Variants in ITGAV observed in about 807,000 individuals in gnomAD.
ITGAV encodes integrin subunit alpha V.
Under a neutral mutation model 143.8 loss-of-function variants are expected in ITGAV, and 76 were observed. The observed-to-expected ratio is 0.53, with a 90% confidence interval of 0.44 to 0.64. The LOEUF is 0.64. Among genes scored for constraint, ITGAV ranks in the 30% least tolerant of loss-of-function variants. ITGAV has a pLI of 0.00. For synonymous variants in ITGAV, 453 were observed against 446.7 expected (o/e 1.01, Z -0.18); for missense variants, 1,193 against 1,274.7 (o/e 0.94, Z 0.98).
At chr2:186,601,262 C>G (rs1686895296) in intron 1 of ITGAV, among the ~76,000 whole-genome samples, 1 of 151,388 alleles carries the variant, frequency 6.6e-6, no homozygotes, top group African/African-American at 2.4e-5. Flanking sequence ...AAAAATTAAG[C>G]CTAGGCAATG....
At chr2:186,657,637 A>T (rs538729194) in intron 17 of ITGAV, among the ~76,000 whole-genome samples, 9 of 152,236 alleles carry the variant, frequency 5.9e-5, no homozygotes, top group African/African-American at 2.2e-4. Context: ...AAGTTAAGAA[A>T]AAATGAAGGT....
intron 2 of ITGAV, among the ~76,000 whole-genome samples, chr2:186,619,917 G>A (rs1374371887): frequency 6.6e-6 from 1 of 152,056 alleles, no homozygotes; most frequent in Non-Finnish European, 1.5e-5. Context: ...GCTTGAACTC[G>A]GGAGGTGGAG....
rs188946418 is a variant in ITGAV, at chr2:186,667,542, T to C, written c.2328-129T>C. 216 of 528,104 alleles carry C rather than the reference T, an allele frequency of 4.1e-4. 2 individuals carry two copies. Among genetic ancestry groups the C allele is most frequent in the African/African-American group, 3.8e-3 (204 of 53,068 alleles). The allele number at this position is 528,104 out of a possible 1,614,324, so 32.7% of individuals were successfully genotyped here. A position where few individuals can be genotyped will look rare whatever the true frequency, so the allele number is the denominator to read the frequency against. ...TGTGCATGTGTGTGTTCATTAGTTT[T>C]CTTTTAAAGTATTTTTTAAAATTAA... On this transcript the variant is annotated intron_variant, in intron 23 of 29. Transcript: ENST00000261023.
Position 186,666,639 on chromosome 2 carries a change from A to G in ITGAV, c.2167-65A>G, listed in dbSNP as rs537199604. The G allele has an allele frequency of 1.7e-4, 138 of 823,750 alleles. No homozygotes were observed. The African/African-American group carries it at 2.3e-3, about 13-fold the overall frequency. The allele number at this position is 823,750 out of a possible 1,614,324, so 51.0% of individuals were successfully genotyped here. On this transcript the variant is annotated intron_variant, in intron 21 of 29. Coordinates refer to ENST00000261023, the MANE Select transcript of ITGAV (RefSeq NM_002210.5). The stretch of plus-strand genomic sequence containing the variant: ...TTAGAACATTATTTTTTATTTAGAC[A>G]TTGGATTTGAAATTTTGCTAATTAG...
intron 2 of ITGAV, among the ~76,000 whole-genome samples, chr2:186,621,418 A>G (rs1687517068): frequency 6.6e-6 from 1 of 152,174 alleles, no homozygotes; most frequent in South Asian, 2.1e-4. Context: ...ATTATGAAGA[A>G]TATTAACAGT....
In ITGAV at chr2:186,649,869, C is replaced by CTAG; in HGVS notation, c.1381_1382insTAG (p.Arg461delinsLeuGly). 6.4e-7 allele frequency: 1 copy of CTAG among 1,568,628 alleles called. No individual in the cohort carries two copies. The highest frequency in any genetic ancestry group is 2.3e-5 in the East Asian group (1 of 43,400). ...AATTGTAGGAGCTTTTGGTGTAGAT[C>CTAG]GAGCTATCTTATACAGGTGAGCATT... is the stretch of plus-strand genomic sequence containing the variant. On this transcript the variant is annotated protein_altering_variant, in exon 14 of 30. Transcript: ENST00000261023.
intron 29 of ITGAV, 118 bp from the exon 30 acceptor site, chr2:186,677,079 A>G: frequency 8.1e-7 from 1 of 1,230,812 alleles, no homozygotes; most frequent in Non-Finnish European, 1.2e-6. Context: ...TATATGAGGG[A>G]AGATAAATTT....
At chr2:186,608,311 A>C (rs1687123029) in intron 2 of ITGAV, among the ~76,000 whole-genome samples, 1 of 152,204 alleles carries the variant, frequency 6.6e-6, no homozygotes, top group African/African-American at 2.4e-5. Context: ...ATGTTGCATC[A>C]ACATTTGAAG....
At chr2:186,590,825 G>A (rs1046039273) in intron 1 of ITGAV, among the ~76,000 whole-genome samples, 8 of 152,164 alleles carry the variant, frequency 5.3e-5, no homozygotes, top group Non-Finnish European at 8.8e-5. Context: ...ACAAAGGCTG[G>A]TCTTGCCGGA....
At chr2:186,600,352 C>T (rs1457780110) in intron 1 of ITGAV, 4 of 1,536,912 alleles carry the variant, frequency 2.6e-6, no homozygotes, top group Middle Eastern at 1.7e-4. Flanking sequence ...TAGGCACCCT[C>T]CTTCTGATCC....
chr2:186,593,396 C>T (rs1686666466), intron 1 of ITGAV, among the ~76,000 whole-genome samples: 1 of 151,742 alleles, frequency 6.6e-6, no homozygotes, highest in African/African-American at 2.4e-5. Flanking sequence ...AGAAATGAGT[C>T]AGGTTCGAAG....
chr2:186,659,034 C>A lies in ITGAV; in HGVS notation c.1720-4C>A, dbSNP rs1231423837. The stretch of plus-strand genomic sequence containing the variant: ...TCATTAATTCAAAGCGTTTCCATTT[C>A]TAGGATGAATCTGAATTTAGAGACA... On this transcript the variant is annotated splice_polypyrimidine_tract_variant and splice_region_variant and intron_variant, in intron 17 of 29. Coordinates refer to ENST00000261023, the MANE Select transcript of ITGAV (RefSeq NM_002210.5). 6.2e-7 allele frequency: 1 copy of A among 1,605,384 alleles called. No individual in the cohort carries two copies. Among genetic ancestry groups the A allele is most frequent in the Non-Finnish European group, 8.5e-7 (1 of 1,174,718 alleles).
chr2:186,668,729 A>G (rs1688982938), intron 24 of ITGAV, 33 bp from the exon 25 acceptor site: 1 of 1,598,734 alleles, frequency 6.3e-7, no homozygotes, highest in Non-Finnish European at 8.5e-7. Flanking sequence ...ATTTTTGCCC[A>G]AGGTGTAGAT....
intron 18 of ITGAV, among the ~76,000 whole-genome samples, chr2:186,662,305 G>C (rs116241314): frequency 6.6e-6 from 1 of 151,950 alleles, no homozygotes; most frequent in African/African-American, 2.4e-5. Context: ...TTTTAAAAAG[G>C]CTTATAGCAA....
In ITGAV at chr2:186,668,344, G is replaced by C. The variant is rs539460170; in HGVS notation, c.2434-418G>C. On this transcript the variant is annotated intron_variant, in intron 24 of 29. Coordinates refer to ENST00000261023, the MANE Select transcript of ITGAV (RefSeq NM_002210.5). ...GGGTTCAAGCGATTCTCCTGCCTCA[G>C]CTTGCTGAGTAGCTGGGATTACACG... is the stretch of plus-strand genomic sequence containing the variant. Among the ~76,000 whole-genome samples, 13 of 145,784 alleles carry C rather than the reference G, an allele frequency of 8.9e-5. No individual in the cohort carries two copies. In the South Asian group the frequency reaches 2.9e-3, roughly 33 times the overall value.
chr2:186,623,699 A>G (rs949671378), intron 3 of ITGAV, among the ~76,000 whole-genome samples: 1 of 152,202 alleles, frequency 6.6e-6, no homozygotes, highest in African/African-American at 2.4e-5. Context: ...CCTTCCATCA[A>G]AGAAGAAAAA....
At chr2:186,649,695 A>G in intron 13 of ITGAV, 145 bp from the exon 14 acceptor site, 1 of 487,030 alleles carries the variant, frequency 2.1e-6, no homozygotes, top group East Asian at 3.4e-5. Flanking sequence ...CATATATTTT[A>G]GCCTTTTATA....
intron 19 of ITGAV, 39 bp from the exon 20 acceptor site, chr2:186,664,455 C>CT (rs1484051368): frequency 6.3e-7 from 1 of 1,597,096 alleles, no homozygotes; most frequent in Non-Finnish European, 8.6e-7. Flanking sequence ...CCCATGTAGT[C>CT]TTTTTTTCTC....
intron 1 of ITGAV, among the ~76,000 whole-genome samples, chr2:186,597,127 C>A (rs1286851661): frequency 6.6e-6 from 1 of 152,192 alleles, no homozygotes; most frequent in African/African-American, 2.4e-5. Flanking sequence ...AAGCAACAGG[C>A]TTGTTCCTGG....
Sources: gnomAD v4.1 joint callset for allele counts (sites outside exome capture counted in the v4.1 genomes callset) on GRCh38, gnomAD v4.1.1 for gene constraint, MANE v1.5 for transcripts, NCBI Gene and HGNC (gene_info 2026-07-23, HGNC 2026-07-21) for gene names.